Variants in SYCP2 observed in about 807,000 individuals in gnomAD.
The protein encoded by SYCP2 is synaptonemal complex lateral element protein.
SYCP2 carries 55 observed loss-of-function variants against 211.3 expected under a neutral mutation model. The observed-to-expected ratio is 0.26, with a 90% CI of 0.21 to 0.33. The LOEUF (loss-of-function observed/expected upper bound fraction) is 0.33. SYCP2 is among the 10% of genes least tolerant of loss of function. The probability of loss-of-function intolerance (pLI) is 1.00; values close to 1 mark genes in which losing one functional copy is unlikely to be tolerated. For missense variants in SYCP2, 1,731 were observed against 1,752.0 expected (o/e 0.99, Z 0.21); for synonymous variants, 570 against 555.2 (o/e 1.03, Z -0.37).
intron 31 of SYCP2, among the ~76,000 whole-genome samples, chr20:59,879,822 A>AATAAAT (rs1282998120): frequency 2.7e-4 from 14 of 51,080 alleles, no homozygotes; most frequent in Admixed American, 1.3e-3. Context: ...AATATAAATA[A>AATAAAT]ATATATATAT....
intron 2 of SYCP2, among the ~76,000 whole-genome samples, chr20:59,929,164 A>G (rs940336437): frequency 6.6e-6 from 1 of 152,104 alleles, no homozygotes; most frequent in Non-Finnish European, 1.5e-5. Flanking sequence ...TGAAAATGCT[A>G]CCTCCATGGT....
chr20:59,915,507 T>A lies in SYCP2; in HGVS notation c.557A>T (p.Asp186Val), dbSNP rs769626701. ...TTGGTTAGAGAGTATTTTCCGGGCATCTTGAGGCATTTTGTCAAGCATAGC... is the reference window on the plus strand; with the variant it reads ...TTGGTTAGAGAGTATTTTCCGGGCAACTTGAGGCATTTTGTCAAGCATAGC... ...MNAMLDKMPQ[D>V]ARKILSNQEM... Residue 186 changes from aspartate to valine, a missense_variant, in exon 9 of 45, where the codon GAT becomes GTT. This residue lies in a region of SYCP2 where 335 missense variants were observed against 378.8 expected (regional missense o/e 0.88). Transcript: ENST00000357552. The A allele has an allele frequency of 6.2e-7, 1 of 1,610,856 alleles. No homozygotes were observed. The highest frequency in any genetic ancestry group is 1.7e-5 in the Admixed American group (1 of 59,990).
chr20:59,915,134 A>G (rs768585012), intron 10 of SYCP2, 31 bp downstream of exon 10: 1 of 1,389,836 alleles, frequency 7.2e-7, no homozygotes, highest in East Asian at 2.3e-5. Flanking sequence ...TAAATATGGA[A>G]TAATTTTAGA....
chr20:59,881,310 T>C, intron 29 of SYCP2, 127 bp downstream of exon 29: 2 of 626,902 alleles, frequency 3.2e-6, no homozygotes, highest in Non-Finnish European at 2.8e-6. Flanking sequence ...AACAGAATCA[T>C]AATGAGAGTA....
In SYCP2 at chr20:59,880,411, C is replaced by A. The variant is rs761215576; in HGVS notation, c.2833G>T (p.Asp945Tyr). ...FSDTETEYRCDDSKTDISWLR... is the reference protein window; with the variant it reads ...FSDTETEYRCYDSKTDISWLR... ...CAGCTAATATCAGTCTTGCTGTCAT[C>A]ACATCTGTACTCTGTTTCAGTATCA... The change falls in exon 31 of 45, where the codon GAT becomes TAT. Residue 945 changes from aspartate to tyrosine, a missense_variant. Physicochemically the swap from Asp to Tyr is radical, Grantham distance 160. This residue lies in a region of SYCP2 where 1,387 missense variants were observed against 1,351.3 expected (regional missense o/e 1.03). Transcript: ENST00000357552. 2.5e-6 allele frequency: 4 copies of A among 1,601,026 alleles called. No homozygotes were observed. The Admixed American group carries it at 6.8e-5, about 27-fold the overall frequency.
rs1016939055 is a variant in SYCP2, at chr20:59,864,004, C to T, written c.*307G>A. ...ATTTTATGTAATAATACATTTTACA[C>T]AATAAAATTTAATTTATTAAAGAAA... is the stretch of plus-strand genomic sequence containing the variant. On this transcript the variant is annotated 3_prime_UTR_variant, in exon 45 of 45. Transcript: ENST00000357552. The T allele has an allele frequency of 6.9e-5, 12 of 174,036 alleles. No individual in the cohort carries two copies. In the East Asian group the frequency reaches 1.8e-3, roughly 26 times the overall value. The allele number at this position is 174,036 out of a possible 1,614,324, so 10.8% of individuals were successfully genotyped here.
Position 59,907,393 on chromosome 20 carries a change from T to C in SYCP2, c.1004A>G (p.Glu335Gly). The part of the protein sequence containing the change: ...DHQWEAVTVP[E>G]EKVQIYSIEV... ...AATGCTGTATATTTGTACTTTTTCC[T>C]CTGGCACAGTAACTGCTTCCCATTG... The change falls in exon 15 of 45, where the codon GAG becomes GGG. Residue 335 changes from glutamate to glycine, a missense_variant. Coordinates refer to ENST00000357552, the MANE Select transcript of SYCP2 (RefSeq NM_014258.4). The C allele has an allele frequency of 6.2e-7, 1 of 1,611,650 alleles. No individual in the cohort carries two copies. The highest frequency in any genetic ancestry group is 8.5e-7 in the Non-Finnish European group (1 of 1,178,584).
rs1361429106 is a variant in SYCP2, at chr20:59,886,798, C to G, written c.2401G>C (p.Ala801Pro). ...KSKGKEFTNV[A>P]ESLISQINKR... ...TTGATTTGGCTTATCAAGGATTCTG[C>G]TACATTGGTAAATTCTTTCCCTTTT... The change falls in exon 25 of 45, where the codon GCA (alanine) becomes CCA (proline). Residue 801 changes from alanine to proline, a missense_variant. By Grantham distance (27) the Ala-to-Pro change is conservative (BLOSUM62 -1). Around this residue, in one of 3 missense-constraint regions of SYCP2, gnomAD observed 1,387 missense variants for 1,351.3 expected, o/e 1.03. Coordinates refer to ENST00000357552, the MANE Select transcript of SYCP2 (RefSeq NM_014258.4). 1.3e-6 allele frequency: 2 copies of G among 1,591,398 alleles called. No homozygotes were observed. The highest frequency in any genetic ancestry group is 4.6e-5 in the East Asian group (2 of 43,722).
In SYCP2 at chr20:59,903,720, T is replaced by A. The variant is rs568678394; in HGVS notation, c.1034-1910A>T. Reference sequence around the variant, plus strand: ...ATTCATGTTCTTCTGAATTACCACATCATAGTGAAAGCAAAAAAGGCAAGG... The same window carrying A: ...ATTCATGTTCTTCTGAATTACCACAACATAGTGAAAGCAAAAAAGGCAAGG... On this transcript the variant is annotated intron_variant, in intron 15 of 44. Coordinates refer to ENST00000357552, the MANE Select transcript of SYCP2 (RefSeq NM_014258.4). 5.9e-5 allele frequency among the ~76,000 whole-genome samples: 9 copies of A among 152,202 alleles called. No homozygotes were observed. The South Asian group carries it at 1.7e-3, about 28-fold the overall frequency.
chr20:59,883,637 TA>T (rs79070220), intron 26 of SYCP2, among the ~76,000 whole-genome samples: 10,893 of 142,834 alleles, frequency 0.076, 1,071 homozygotes, highest in African/African-American at 0.23. Context: ...TGTGGAATCT[TA>T]AAAAAAAAAA....
At chr20:59,912,670 T>C (rs1307349832) in intron 12 of SYCP2, among the ~76,000 whole-genome samples, 1 of 152,222 alleles carries the variant, frequency 6.6e-6, no homozygotes, top group Non-Finnish European at 1.5e-5. Flanking sequence ...CAAATGTTTT[T>C]GTGTGTGATA....
In SYCP2 at chr20:59,901,526, T is replaced by A. The variant is rs948507824; in HGVS notation, c.1182+136A>T. 14 of 556,988 alleles carry A rather than the reference T, an allele frequency of 2.5e-5. No individual in the cohort carries two copies. The African/African-American group carries it at 2.7e-4, about 11-fold the overall frequency. The allele number at this position is 556,988 out of a possible 1,614,324, so 34.5% of individuals were successfully genotyped here. On this transcript the variant is annotated intron_variant, in intron 16 of 44. Coordinates refer to ENST00000357552, the MANE Select transcript of SYCP2 (RefSeq NM_014258.4). ...ATATGACTAACAAGCTGATGACTCT[T>A]CAACAGTACAAATTTAAAGAACTAA...
chr20:59,882,367 T>TA (rs2059701774), intron 26 of SYCP2, among the ~76,000 whole-genome samples: 1 of 152,068 alleles, frequency 6.6e-6, no homozygotes, highest in Non-Finnish European at 1.5e-5. Context: ...CAAATGGTGG[T>TA]ACAACCACTG....
intron 38 of SYCP2, 53 bp downstream of exon 38, chr20:59,868,360 A>G: frequency 6.4e-7 from 1 of 1,563,876 alleles, no homozygotes; most frequent in Non-Finnish European, 8.6e-7. Context: ...TTCAAAATAT[A>G]AGAACCACCC....
chr20:59,868,215 A>C (rs2059387631), intron 38 of SYCP2, among the ~76,000 whole-genome samples, 198 bp downstream of exon 38: 1 of 151,818 alleles, frequency 6.6e-6, no homozygotes, highest in African/African-American at 2.4e-5. Flanking sequence ...TGACAGAATG[A>C]TGAGGGAGAT....
chr20:59,886,669 G>C (rs767263185), intron 25 of SYCP2, 38 bp downstream of exon 25: 98 of 1,462,996 alleles, frequency 6.7e-5, no homozygotes, highest in Non-Finnish European at 8.7e-5. Flanking sequence ...AGTTGTATCT[G>C]TCAGAAAAAT....
rs1251079984 is a variant in SYCP2, at chr20:59,875,521, T to G, written c.3151-52A>C. 26 of 1,375,018 alleles carry G rather than the reference T, an allele frequency of 1.9e-5. 1 individual carries two copies. In the Admixed American group the frequency reaches 5.0e-4, roughly 26 times the overall value. The allele number at this position is 1,375,018 out of a possible 1,614,324, so 85.2% of individuals were successfully genotyped here. On this transcript the variant is annotated intron_variant, in intron 33 of 44. Coordinates refer to ENST00000357552, the MANE Select transcript of SYCP2 (RefSeq NM_014258.4). ...ATACTCAAGTACAAATATTTACACT[T>G]GGACACATAAAACAAATTATATTCA...
chr20:59,911,182 G>A (rs1306696055), intron 14 of SYCP2, among the ~76,000 whole-genome samples: 1 of 152,058 alleles, frequency 6.6e-6, no homozygotes, highest in African/African-American at 2.4e-5. Flanking sequence ...AATACGAGGT[G>A]GTAGCTATTA....
In SYCP2 at chr20:59,867,741, C is replaced by A. The variant is rs142013890; in HGVS notation, c.4095G>T (p.Arg1365Ser). 1.4e-4 allele frequency: 229 copies of A among 1,608,566 alleles called. No homozygotes were observed. The highest frequency in any genetic ancestry group is 1.8e-4 in the Non-Finnish European group (215 of 1,176,446). Residue 1365 changes from arginine to serine, a missense_variant, in exon 39 of 45, where the codon AGG becomes AGT. Coordinates refer to ENST00000357552, the MANE Select transcript of SYCP2 (RefSeq NM_014258.4). Reference protein sequence around the residue: ...GIEMTYETYERLNSEFKRRNN... With the variant: ...GIEMTYETYESLNSEFKRRNN... ...TCCTTCTCTTAAATTCTGAATTGAG[C>A]CTCTCGTAAGTCTCATAAGTCATCT...
Sources: allele counts gnomAD v4.1 joint callset (sites outside exome capture counted in the v4.1 genomes callset), GRCh38; gene constraint gnomAD v4.1.1; regional missense constraint gnomAD v4.1.1; transcripts MANE v1.5; gene names NCBI Gene and HGNC (gene_info 2026-07-23, HGNC 2026-07-21).